The following XPO7 variants were observed in gnomAD, a reference collection of about 807,000 sequenced individuals.
XPO7 encodes exportin-7.
XPO7 carries 21 observed loss-of-function variants against 144.3 expected under a neutral mutation model. The ratio of observed to expected loss-of-function variants is 0.15; its 90% CI spans 0.10 to 0.21. The LOEUF (loss-of-function observed/expected upper bound fraction) is 0.21, where lower values mean the gene tolerates loss of function less well. Among genes scored for constraint, XPO7 ranks in the 10% least tolerant of loss-of-function variants. The probability of loss-of-function intolerance (pLI) is 1.00; values close to 1 mark genes in which losing one functional copy is unlikely to be tolerated. For missense variants in XPO7, 808 were observed against 1,325.8 expected, an observed-to-expected ratio of 0.61 and a Z score of 6.06; for synonymous variants, 580 against 499.6, an observed-to-expected ratio of 1.16 and a Z score of -2.15.
intron 1 of XPO7, among the ~76,000 whole-genome samples, chr8:21,965,948 C>A (rs1174468965): frequency 6.7e-6 from 1 of 150,078 alleles, no homozygotes; most frequent in African/African-American, 2.5e-5. Flanking sequence ...AAGTCCAAAC[C>A]ATTCCTTTAA....
intron 1 of XPO7, among the ~76,000 whole-genome samples, chr8:21,937,650 T>C (rs1462271941): frequency 6.6e-6 from 1 of 152,178 alleles, no homozygotes; most frequent in Admixed American, 6.6e-5. Flanking sequence ...TTCACTGAAA[T>C]CATCAGAAGT....
chr8:21,990,515 A>G (rs1444825036), intron 17 of XPO7, 108 bp downstream of exon 17: 1 of 1,285,708 alleles, frequency 7.8e-7, no homozygotes, highest in Non-Finnish European at 1.1e-6. Flanking sequence ...GCTACAGCAA[A>G]GACGGTGGTC....
chr8:21,924,001 T>C (rs1183814823), intron 1 of XPO7, among the ~76,000 whole-genome samples: 1 of 152,330 alleles, frequency 6.6e-6, no homozygotes, highest in African/African-American at 2.4e-5. Flanking sequence ...GTGGCTTAAC[T>C]AGATGGTTTT....
chr8:21,961,412 C>T (rs530660048), intron 1 of XPO7, among the ~76,000 whole-genome samples: 131 of 151,994 alleles, frequency 8.6e-4, no homozygotes, highest in African/African-American at 3.1e-3. Flanking sequence ...GGCGGAGTCT[C>T]CCTATATTGC....
Position 21,970,225 on chromosome 8 carries a change from G to C in XPO7, c.341G>C (p.Arg114Thr). Reference protein sequence around the residue: ...VTQALIQLYARITKLGWFDCQ... With the variant: ...VTQALIQLYATITKLGWFDCQ... The stretch of plus-strand genomic sequence containing the variant: ...CAAGCACTTATTCAGTTATATGCCA[G>C]AATCACAAAACTGGGCTGGTTTGAC... The change falls in exon 4 of 28, where the codon AGA becomes ACA. Residue 114 changes from arginine (R) to threonine (T), a missense_variant. Physicochemically the swap from Arg to Thr is moderately conservative, Grantham distance 71 (BLOSUM62 -1). Transcript: ENST00000252512. 6.2e-7 allele frequency: 1 copy of C among 1,613,786 alleles called. No homozygotes were observed. The highest frequency in any genetic ancestry group is 8.5e-7 in the Non-Finnish European group (1 of 1,179,818).
intron 21 of XPO7, among the ~76,000 whole-genome samples, chr8:21,995,824 T>G (rs1026228504): frequency 6.6e-6 from 1 of 151,970 alleles, no homozygotes; most frequent in Non-Finnish European, 1.5e-5. Context: ...TTTGTTTGTC[T>G]TGTTTTTTTT....
intron 1 of XPO7, among the ~76,000 whole-genome samples, chr8:21,927,952 C>A (rs1217913201): frequency 6.6e-6 from 1 of 152,120 alleles, no homozygotes; most frequent in Non-Finnish European, 1.5e-5. Context: ...AAATCTGTTG[C>A]CAGTGGAATA....
chr8:21,931,508 T>G (rs1450444430), intron 1 of XPO7, among the ~76,000 whole-genome samples: 1 of 152,248 alleles, frequency 6.6e-6, no homozygotes, highest in African/African-American at 2.4e-5. Context: ...CACTGGTATT[T>G]TATTCTGTTT....
rs56993629 is a variant in XPO7, at chr8:21,964,613, C to CA, written c.19-2232dup. 7.4e-3 allele frequency among the ~76,000 whole-genome samples: 1,045 copies of CA among 141,940 alleles called. 6 individuals are homozygous for CA. The highest frequency in any genetic ancestry group is 0.029 in the South Asian group (129 of 4,516). The allele number at this position is 141,940 out of a possible 152,430, so 93.1% of individuals were successfully genotyped here. On this transcript the variant is annotated intron_variant, in intron 1 of 27. Transcript: ENST00000252512. ...TGTTTCCCATTTGTTCTTCTGGGAACAAAAAAAAAAAATGGAGCTGTCGTT... is the reference window on the plus strand; with the variant it reads ...TGTTTCCCATTTGTTCTTCTGGGAACAAAAAAAAAAAAATGGAGCTGTCGTT...
At position 21,995,550 on chromosome 8, in the gene XPO7, G is replaced by A. The variant is rs1216971395; in HGVS notation, c.2296G>A (p.Ala766Thr). The A allele has an allele frequency of 1.2e-6, 2 of 1,610,018 alleles. No homozygotes were observed. The highest frequency in any genetic ancestry group is 1.1e-5 in the South Asian group (1 of 89,892). The stretch of plus-strand genomic sequence containing the variant: ...AATTGAGCTCTGGTACCATGATCCA[G>A]CCTGTACTACACCTGTACTCAAGTT... ...RAIELWYHDP[A>T]CTTPVLKLMA... Residue 766 changes from alanine (A) to threonine (T), a missense_variant, in exon 21 of 28, where the codon GCC (alanine) becomes ACC (threonine). This residue lies in a region of XPO7 where 416 missense variants were observed against 612.5 expected (regional missense o/e 0.68). Transcript: ENST00000252512.
intron 1 of XPO7, among the ~76,000 whole-genome samples, chr8:21,940,209 T>A (rs1170509867): frequency 1.3e-5 from 2 of 152,216 alleles, no homozygotes; most frequent in Admixed American, 1.3e-4. Flanking sequence ...GATGGTAGAA[T>A]ACCAATACCA....
At position 21,991,900 on chromosome 8, in the gene XPO7, C is replaced by A. The variant is rs1264217025; in HGVS notation, c.2074C>A (p.Leu692Met). 1.2e-6 allele frequency: 2 copies of A among 1,613,246 alleles called. No homozygotes were observed. The highest frequency in any genetic ancestry group is 1.7e-6 in the Non-Finnish European group (2 of 1,179,764). The change falls in exon 19 of 28, where the codon CTG becomes ATG. Residue 692 changes from leucine to methionine, a missense_variant. Around this residue, in one of 5 missense-constraint regions of XPO7, gnomAD observed 416 missense variants for 612.5 expected, o/e 0.68. Transcript: ENST00000252512. ...TGAAGATCAGTATGAGCAGTTCATG[C>A]TGCCACTCACAGCAGCATTTGAGGC... The part of the protein sequence containing the change: ...EDEDQYEQFM[L>M]PLTAAFEAVA...
At chr8:21,958,682 G>C (rs1811620303) in intron 1 of XPO7, among the ~76,000 whole-genome samples, 1 of 123,862 alleles carries the variant, frequency 8.1e-6, no homozygotes, top group South Asian at 2.9e-4. Flanking sequence ...AGCAAGGCCG[G>C]GCATGGTTGC....
At chr8:21,995,169 A>G (rs1448476178) in intron 20 of XPO7, among the ~76,000 whole-genome samples, 2 of 152,162 alleles carry the variant, frequency 1.3e-5, no homozygotes, top group African/African-American at 4.8e-5. Context: ...TGCCTCTTTA[A>G]TAGTTATGTA....
intron 2 of XPO7, 96 bp downstream of exon 2, chr8:21,967,099 C>T: frequency 6.9e-7 from 1 of 1,454,774 alleles, no homozygotes; most frequent in Non-Finnish European, 9.1e-7. Context: ...CTTCTGTTCC[C>T]TGATTTTTCT....
Position 21,956,546 on chromosome 8 carries a change from G to C in XPO7, c.19-10311G>C, listed in dbSNP as rs191555158. Among the ~76,000 whole-genome samples the C allele has an allele frequency of 3.6e-3, 541 of 152,146 alleles. 5 individuals carry two copies. Among genetic ancestry groups the C allele is most frequent in the African/African-American group, 0.013 (530 of 41,516 alleles). On this transcript the variant is annotated intron_variant, in intron 1 of 27. Transcript: ENST00000252512. Reference sequence around the variant, plus strand: ...TCTGTTCTGTCTTTCTGTAACTCCTGTTAATTGGATGTTAGGCCTATGGAA... The same window carrying C: ...TCTGTTCTGTCTTTCTGTAACTCCTCTTAATTGGATGTTAGGCCTATGGAA...
At position 21,970,946 on chromosome 8, in the gene XPO7, A is replaced by C. The variant is rs1812037211; in HGVS notation, c.426+636A>C. On this transcript the variant is annotated intron_variant, in intron 4 of 27. Transcript: ENST00000252512. ...AGCAATGTCCTCGGCTTTCACATCC[A>C]CTCACCACTCACTCACTGACTCACC... is the stretch of plus-strand genomic sequence containing the variant. Among the ~76,000 whole-genome samples the C allele has an allele frequency of 2.0e-5, 3 of 152,040 alleles. No homozygotes were observed. The South Asian group carries it at 6.2e-4, about 31-fold the overall frequency.
intron 1 of XPO7, among the ~76,000 whole-genome samples, chr8:21,920,849 A>C (rs1224196565): frequency 6.6e-6 from 1 of 152,194 alleles, no homozygotes. Context: ...TGTCGCCTTT[A>C]TATTCTGTGG....
intron 1 of XPO7, among the ~76,000 whole-genome samples, chr8:21,954,568 A>T (rs1397504134): frequency 6.6e-6 from 1 of 152,174 alleles, no homozygotes; most frequent in African/African-American, 2.4e-5. Flanking sequence ...CGGGAGGTGG[A>T]GGTTGCAGTG....
Sources: allele counts gnomAD v4.1 joint callset (sites outside exome capture counted in the v4.1 genomes callset), GRCh38; gene constraint gnomAD v4.1.1; regional missense constraint gnomAD v4.1.1; transcripts MANE v1.5; gene names NCBI Gene and HGNC (gene_info 2026-07-23, HGNC 2026-07-21).